Variants in TXLNB observed in about 807,000 individuals in gnomAD.
TXLNB encodes taxilin beta.
TXLNB carries 37 observed loss-of-function variants against 57.4 expected under a neutral mutation model. The observed-to-expected ratio is 0.64, with a 90% CI of 0.50 to 0.85. TXLNB has a LOEUF of 0.85. TXLNB is among the 40% of genes least tolerant of loss of function. The pLI is 0.00. For missense variants in TXLNB, 848 were observed against 825.6 expected (o/e 1.03, Z -0.33); for synonymous variants, 302 against 309.6 (o/e 0.98, Z 0.26).
the TXLNB span, among the ~76,000 whole-genome samples, chr6:139,214,996 G>A: frequency 6.6e-6 from 1 of 152,088 alleles, no homozygotes; most frequent in Non-Finnish European, 1.5e-5. Flanking sequence ...ACAAATGGAA[G>A]AACATTCCAT....
intron 8 of TXLNB, among the ~76,000 whole-genome samples, chr6:139,246,434 C>G (rs914835637): frequency 1.3e-5 from 2 of 152,180 alleles, no homozygotes; most frequent in African/African-American, 4.8e-5. Flanking sequence ...TGTTCGGAAA[C>G]ACAGTTCTGA....
At chr6:139,280,558 C>T (rs1332813220) in intron 2 of TXLNB, among the ~76,000 whole-genome samples, 3 of 152,262 alleles carry the variant, frequency 2.0e-5, no homozygotes, top group Middle Eastern at 3.4e-3. Flanking sequence ...GCAGGAGACT[C>T]GCTTGAACCT....
At chr6:139,238,854 T>C (rs957019881), downstream of TXLNB, among the ~76,000 whole-genome samples, 2 of 152,206 alleles carry the variant, frequency 1.3e-5, no homozygotes, top group Admixed American at 1.3e-4. Context: ...ACATTTTAAA[T>C]TATTTTACTT....
chr6:139,266,106 G>A (rs1776608910), intron 4 of TXLNB, among the ~76,000 whole-genome samples: 2 of 152,102 alleles, frequency 1.3e-5, no homozygotes, highest in African/African-American at 2.4e-5. Context: ...TTAATTGTCT[G>A]CTTAAAAAAA....
At chr6:139,216,047 A>C in the TXLNB span, among the ~76,000 whole-genome samples, 46 of 152,274 alleles carry the variant, frequency 3.0e-4, no homozygotes, top group Non-Finnish European at 6.0e-4. Flanking sequence ...TAGTTCAACC[A>C]TTGTGGAAGT....
At chr6:139,263,505 TAAAGTG>T (rs973922297) in intron 4 of TXLNB, among the ~76,000 whole-genome samples, 5 of 152,354 alleles carry the variant, frequency 3.3e-5, no homozygotes, top group African/African-American at 1.2e-4. Flanking sequence ...TCTTTAACTC[TAAAGTG>T]AAACATCTAA....
chr6:139,300,677 C>A, the TXLNB span, among the ~76,000 whole-genome samples: 2 of 152,178 alleles, frequency 1.3e-5, no homozygotes, highest in Admixed American at 1.3e-4. Flanking sequence ...CGTGGTGGAT[C>A]ACAAGGCCAG....
the TXLNB span, among the ~76,000 whole-genome samples, chr6:139,320,235 A>G: frequency 4.6e-5 from 7 of 152,216 alleles, no homozygotes; most frequent in Admixed American, 1.3e-4. Flanking sequence ...TGTATGACAC[A>G]TAGGTCCTAA....
At chr6:139,201,662 T>G in the TXLNB span, 2 of 152,282 alleles carry the variant, frequency 1.3e-5, no homozygotes, top group Non-Finnish European at 2.9e-5. Flanking sequence ...TCTCTAATGC[T>G]AGTACATTTT....
chr6:139,289,988 C>G (rs554639531), intron 1 of TXLNB, among the ~76,000 whole-genome samples: 4 of 152,194 alleles, frequency 2.6e-5, no homozygotes, highest in South Asian at 2.1e-4. Context: ...CTGGCATTTT[C>G]TTTTTCAGAT....
chr6:139,288,767 G>A lies in TXLNB; in HGVS notation c.133C>T (p.Pro45Ser), dbSNP rs772215451. 1.9e-6 allele frequency: 3 copies of A among 1,614,184 alleles called. No homozygotes were observed. The highest frequency in any genetic ancestry group is 2.2e-5 in the East Asian group (1 of 44,886). ...GGGTGCACACTTGCCTCTTTCTCTG[G>A]TGGTTGGACTGGGGTTGGAGAATCC... ...GQDSPTPVQP[P>S]EKEASVHPDI... Residue 45 changes from proline to serine, a missense_variant, in exon 2 of 10, where the codon CCA becomes TCA. Pro to Ser is a moderately conservative substitution (Grantham distance 74). Transcript: ENST00000358430.
chr6:139,186,854 A>G, the TXLNB span, among the ~76,000 whole-genome samples: 2 of 152,246 alleles, frequency 1.3e-5, no homozygotes, highest in Admixed American at 1.3e-4. Context: ...AAGAAGCCAG[A>G]GAAAAAGACT....
chr6:139,166,376 C>T, the TXLNB span: 1 of 1,614,196 alleles, frequency 6.2e-7, no homozygotes, highest in South Asian at 1.1e-5. Context: ...CAACAACGAG[C>T]ACTGCCCCTG....
chr6:139,278,000 G>C (rs895279807), intron 2 of TXLNB, among the ~76,000 whole-genome samples: 1 of 152,146 alleles, frequency 6.6e-6, no homozygotes, highest in Admixed American at 6.5e-5. Context: ...GGGCATATTT[G>C]TACTAAAAAA....
the TXLNB span, among the ~76,000 whole-genome samples, chr6:139,184,553 T>C: frequency 3.9e-5 from 6 of 152,248 alleles, no homozygotes; most frequent in African/African-American, 1.4e-4. Flanking sequence ...TTAAGATAGA[T>C]GATTGCTTAA....
At chr6:139,316,632 G>A in the TXLNB span, among the ~76,000 whole-genome samples, 1 of 152,118 alleles carries the variant, frequency 6.6e-6, no homozygotes, top group Non-Finnish European at 1.5e-5. Context: ...GCTTTAACAA[G>A]TATCATTGAA....
At chr6:139,293,825 A>C (rs1012743474), upstream of TXLNB, among the ~76,000 whole-genome samples, 4 of 152,122 alleles carry the variant, frequency 2.6e-5, no homozygotes, top group African/African-American at 9.7e-5. Context: ...TTTGATAATT[A>C]AGTTAGTGAA....
chr6:139,239,445 T>C (rs1775874535), downstream of TXLNB: 1 of 152,326 alleles, frequency 6.6e-6, no homozygotes, highest in African/African-American at 2.4e-5. This position sits in a 1 kb window ranked among gnomAD's most constrained non-coding sequence, Gnocchi z 4.7. Flanking sequence ...GTTTTCTTAT[T>C]AGCCCTGGGT....
chr6:139,284,295 C>T (rs1197944598), intron 2 of TXLNB, among the ~76,000 whole-genome samples: 2 of 144,800 alleles, frequency 1.4e-5, no homozygotes, highest in African/African-American at 5.1e-5. Flanking sequence ...TTTGGGAGGC[C>T]GAGGCGGGTG....
Sources: gnomAD v4.1 joint callset for allele counts (sites outside exome capture counted in the v4.1 genomes callset) on GRCh38, gnomAD v4.1.1 for gene constraint, Gnocchi (gnomAD v3.1) non-coding constraint, MANE v1.5 for transcripts, NCBI Gene and HGNC (gene_info 2026-07-23, HGNC 2026-07-21) for gene names.